Variants in CNBD2 observed in about 807,000 individuals in gnomAD.
CNBD2 encodes the protein cyclic nucleotide-binding domain-containing protein 2.
In CNBD2, 64 loss-of-function variants were observed where a neutral mutation model predicts 63.7. That is an observed-to-expected ratio of 1.00 (90% CI 0.82 to 1.24). The LOEUF is 1.24. CNBD2 is among the 50% of genes most tolerant of loss of function. The pLI is 0.00. For missense variants in CNBD2, 691 were observed against 713.5 expected, an observed-to-expected ratio of 0.97 and a Z score of 0.36; for synonymous variants, 229 against 255.4, an observed-to-expected ratio of 0.90 and a Z score of 0.99.
In CNBD2 at chr20:35,995,256, C is replaced by A. The variant is rs918231634; in HGVS notation, c.970+104C>A. 1.5e-5 allele frequency: 11 copies of A among 724,354 alleles called. No individual in the cohort carries two copies. The East Asian group carries it at 3.0e-4, about 20-fold the overall frequency. 44.9% of individuals were successfully genotyped at this position (724,354 alleles called of 1,614,324 possible). A position where few individuals can be genotyped will look rare whatever the true frequency, so the allele number is the denominator to read the frequency against. On this transcript the variant is annotated intron_variant, in intron 8 of 11. Coordinates refer to ENST00000373973, the MANE Select transcript of CNBD2 (RefSeq NM_001365709.1). The stretch of plus-strand genomic sequence containing the variant: ...GAAATCTAGTCAGCCAGCCTGACAG[C>A]GTATATCATCTGCACCCTTCTACCA...
At chr20:36,003,642 TC>T (rs1173505957) in intron 8 of CNBD2, among the ~76,000 whole-genome samples, 1 of 152,164 alleles carries the variant, frequency 6.6e-6, no homozygotes, top group Non-Finnish European at 1.5e-5. Flanking sequence ...GGTGATTCTT[TC>T]CCCAGCCTTG....
chr20:36,019,426 G>C (rs1431380917), intron 10 of CNBD2, among the ~76,000 whole-genome samples: 1 of 151,424 alleles, frequency 6.6e-6, no homozygotes, highest in South Asian at 2.1e-4. Context: ...GGGAGGCTGA[G>C]GCAGGAGGAT....
chr20:35,968,753 C>T lies in CNBD2; in HGVS notation c.-10C>T. 1 of 1,606,056 alleles carries T rather than the reference C, an allele frequency of 6.2e-7. No homozygotes were observed. Among genetic ancestry groups the T allele is most frequent in the South Asian group, 1.1e-5 (1 of 88,700 alleles). ...AGGGGCTAGTTGTGCCATTTGCCTG[C>T]ACAGGAACCATGAGGAGACATATGG... On this transcript the variant is annotated 5_prime_UTR_variant, in exon 1 of 12. Transcript: ENST00000373973.
intron 10 of CNBD2, among the ~76,000 whole-genome samples, chr20:36,022,519 G>T (rs537789376): frequency 6.6e-6 from 1 of 152,046 alleles, no homozygotes; most frequent in African/African-American, 2.4e-5. Flanking sequence ...ATTATTAGTA[G>T]AGGTGGGGTT....
At chr20:35,992,927 C>G (rs907161427) in intron 7 of CNBD2, among the ~76,000 whole-genome samples, 2 of 152,040 alleles carry the variant, frequency 1.3e-5, no homozygotes, top group Non-Finnish European at 2.9e-5. Flanking sequence ...GCAAAATCAG[C>G]TGCGGGTGGC....
rs10636802 is a variant in CNBD2 at position 35,987,855 on chromosome 20, A to AATTTATTT, written c.855+343_855+350dup. On this transcript the variant is annotated intron_variant, in intron 7 of 11. Transcript: ENST00000373973. ...TCTTAGTGATGCCAGATCACTTTTA[A>AATTTATTT]ATTTATTTATTTATTTATTTATTTA... 2.9e-3 allele frequency among the ~76,000 whole-genome samples: 439 copies of AATTTATTT among 151,220 alleles called. 3 individuals are homozygous for AATTTATTT. The highest frequency in any genetic ancestry group is 7.8e-3 in the South Asian group (37 of 4,772).
chr20:36,011,068 C>A (rs2057052414), intron 9 of CNBD2, 69 bp from the exon 10 acceptor site: 1 of 1,373,396 alleles, frequency 7.3e-7, no homozygotes, highest in Non-Finnish European at 9.5e-7. Context: ...AGAGTGAGGG[C>A]TGATTAGCCA....
At chr20:35,959,628 C>T (rs968651425), downstream of CNBD2, among the ~76,000 whole-genome samples, 3 of 152,182 alleles carry the variant, frequency 2.0e-5, no homozygotes, top group African/African-American at 7.2e-5. Flanking sequence ...GTCCTTCCCA[C>T]AACACGTGGG....
At chr20:35,977,382 C>A (rs557629883) in intron 3 of CNBD2, among the ~76,000 whole-genome samples, 39 of 152,146 alleles carry the variant, frequency 2.6e-4, no homozygotes, top group Non-Finnish European at 5.0e-4. Flanking sequence ...TAAAAACCAG[C>A]CCTTTGGCCA....
At chr20:35,968,586 T>G, upstream of CNBD2, 2 of 533,328 alleles carry the variant, frequency 3.8e-6, no homozygotes, top group African/African-American at 1.9e-5. Context: ...GAATGATTTT[T>G]CTCAGAGCAG....
chr20:35,995,883 A>C (rs958629195), intron 8 of CNBD2, among the ~76,000 whole-genome samples: 1 of 152,142 alleles, frequency 6.6e-6, no homozygotes, highest in African/African-American at 2.4e-5. Flanking sequence ...AAAGAAAAGA[A>C]ATTTATTTCT....
chr20:36,005,211 G>A (rs989589806), intron 8 of CNBD2, among the ~76,000 whole-genome samples: 7 of 152,160 alleles, frequency 4.6e-5, no homozygotes, highest in Non-Finnish European at 7.4e-5. Flanking sequence ...GGCTGGTTTC[G>A]TGGAAGACAA....
At chr20:35,990,442 C>T (rs2056729677) in intron 7 of CNBD2, among the ~76,000 whole-genome samples, 1 of 152,220 alleles carries the variant, frequency 6.6e-6, no homozygotes, top group African/African-American at 2.4e-5. Context: ...ACTAGCCTGG[C>T]CAACATGGTG....
chr20:36,027,441 G>T (rs2590962), intron 11 of CNBD2, among the ~76,000 whole-genome samples: 2 of 151,984 alleles, frequency 1.3e-5, no homozygotes, highest in East Asian at 1.9e-4. Context: ...AATTAGAGTA[G>T]ATCAGTATTT....
intron 11 of CNBD2, among the ~76,000 whole-genome samples, chr20:36,027,912 C>G (rs771572850): frequency 3.3e-5 from 5 of 152,078 alleles, no homozygotes; most frequent in Non-Finnish European, 7.4e-5. Flanking sequence ...GTGATCCGCC[C>G]ACCTCGGCCT....
At chr20:35,978,565 T>C (rs952552228) in intron 3 of CNBD2, among the ~76,000 whole-genome samples, 19 of 152,228 alleles carry the variant, frequency 1.2e-4, no homozygotes, top group East Asian at 1.9e-4. Flanking sequence ...AGGGTAGTCT[T>C]GATCTCCTGA....
chr20:35,990,399 G>C (rs1307308799), intron 7 of CNBD2, among the ~76,000 whole-genome samples: 1 of 152,238 alleles, frequency 6.6e-6, no homozygotes, highest in African/African-American at 2.4e-5. Flanking sequence ...GGAAGGCTGA[G>C]ATGGATGGAT....
chr20:35,967,668 C>T (rs2056357949), upstream of CNBD2, among the ~76,000 whole-genome samples: 1 of 151,278 alleles, frequency 6.6e-6, no homozygotes, highest in South Asian at 2.1e-4. Context: ...GCCTGGGCAA[C>T]GTGGTGAAAG....
chr20:35,965,200 T>G (rs2056336284), upstream of CNBD2, among the ~76,000 whole-genome samples: 1 of 150,362 alleles, frequency 6.7e-6, no homozygotes, highest in African/African-American at 2.4e-5. Context: ...TTTTTTTTTT[T>G]GAGACGGAGT....
Sources: allele counts gnomAD v4.1 joint callset (sites outside exome capture counted in the v4.1 genomes callset), GRCh38; gene constraint gnomAD v4.1.1; transcripts MANE v1.5; gene names NCBI Gene and HGNC (gene_info 2026-07-23, HGNC 2026-07-21).